The following PCDH15 variants were observed in gnomAD, a reference collection of about 807,000 sequenced individuals.
PCDH15 encodes the protein protocadherin-15.
PCDH15 carries 129 observed loss-of-function variants against 178.5 expected under a neutral mutation model. The ratio of observed to expected loss-of-function variants is 0.72; its 90% CI spans 0.63 to 0.84. The LOEUF (loss-of-function observed/expected upper bound fraction) is 0.84. PCDH15 is among the 40% of genes least tolerant of loss of function. The pLI is 0.00. For missense variants in PCDH15, 2,230 were observed against 2,099.9 expected (o/e 1.06, Z -1.21); for synonymous variants, 800 against 732.0 (o/e 1.09, Z -1.50).
chr10:54,450,032 C>G (rs544067456), intron 3 of PCDH15, among the ~76,000 whole-genome samples: 1 of 151,068 alleles, frequency 6.6e-6, no homozygotes, highest in African/African-American at 2.4e-5. Flanking sequence ...TTGCAAATAG[C>G]GAGATGTGGT....
intron 1 of PCDH15, among the ~76,000 whole-genome samples, chr10:54,798,918 C>A (rs975917677): frequency 1.3e-5 from 2 of 152,034 alleles, no homozygotes; most frequent in Admixed American, 1.3e-4. Flanking sequence ...ATTGTATCTG[C>A]ACATTTACAG....
At chr10:55,343,616 C>T (rs954991166) in intron 2 of PCDH15, among the ~76,000 whole-genome samples, 1 of 139,738 alleles carries the variant, frequency 7.2e-6, no homozygotes, top group African/African-American at 2.5e-5. Flanking sequence ...ATTGATTCAG[C>T]CCATCTTGAA....
intron 1 of PCDH15, among the ~76,000 whole-genome samples, chr10:55,176,273 T>C (rs1215666900): frequency 6.6e-6 from 1 of 152,102 alleles, no homozygotes; most frequent in Non-Finnish European, 1.5e-5. Flanking sequence ...AAACCTCTTG[T>C]TTACTCCTGC....
intron 2 of PCDH15, among the ~76,000 whole-genome samples, chr10:55,081,505 G>GTGTATACTT (rs1842041856): frequency 6.6e-6 from 1 of 152,156 alleles, no homozygotes; most frequent in African/African-American, 2.4e-5. Context: ...TACTCCCAAA[G>GTGTATACTT]TGTATACATT....
intron 20 of PCDH15, among the ~76,000 whole-genome samples, chr10:54,003,846 A>C (rs898580846): frequency 3.3e-5 from 5 of 151,956 alleles, no homozygotes; most frequent in African/African-American, 1.2e-4. Flanking sequence ...CCAAAAAAGA[A>C]ACTATAGGCA....
chr10:54,134,030 G>T (rs2042675156), intron 14 of PCDH15, among the ~76,000 whole-genome samples: 1 of 134,430 alleles, frequency 7.4e-6, no homozygotes, highest in African/African-American at 2.6e-5. Flanking sequence ...TTGGGGATGA[G>T]AATCTTTATT....
chr10:54,520,844 G>C (rs907260201), intron 3 of PCDH15, among the ~76,000 whole-genome samples: 26 of 151,258 alleles, frequency 1.7e-4, no homozygotes, highest in Admixed American at 1.4e-3. Context: ...ACTGGATTAA[G>C]AAAATGTGGC....
intron 10 of PCDH15, among the ~76,000 whole-genome samples, chr10:54,212,649 T>A (rs1177156297): frequency 6.6e-6 from 1 of 152,172 alleles, no homozygotes; most frequent in Non-Finnish European, 1.5e-5. Flanking sequence ...TAGCATTTGA[T>A]GCATTTTATC....
chr10:54,430,262 G>A (rs1304924971), intron 3 of PCDH15, among the ~76,000 whole-genome samples: 1 of 149,798 alleles, frequency 6.7e-6, no homozygotes, highest in Non-Finnish European at 1.5e-5. Flanking sequence ...CACCATGTTG[G>A]TCAGGTGGTC....
chr10:54,176,579 A>G, intron 13 of PCDH15, among the ~76,000 whole-genome samples: 1 of 152,222 alleles, frequency 6.6e-6, no homozygotes, highest in East Asian at 1.9e-4. Context: ...GTAGCAGGAG[A>G]TGAAACAAAT....
chr10:54,105,339 TACAC>T (rs59388031), intron 15 of PCDH15, among the ~76,000 whole-genome samples: 5 of 134,994 alleles, frequency 3.7e-5, no homozygotes, highest in Admixed American at 7.6e-5. Context: ...TACATATATA[TACAC>T]ACACACACAC....
chr10:54,245,440 TGATA>T (rs1479892373), intron 8 of PCDH15, among the ~76,000 whole-genome samples: 3 of 152,230 alleles, frequency 2.0e-5, no homozygotes, highest in East Asian at 3.9e-4. Flanking sequence ...AAAAAAATTA[TGATA>T]GATATTGACT....
At chr10:53,809,343 CTCTTCACCCTCAAGGT>C in intron 37 of PCDH15, 1 of 1,613,212 alleles carries the variant, frequency 6.2e-7, no homozygotes, top group Non-Finnish European at 8.5e-7. Flanking sequence ...GTCTCTGCCA[CTCTTCACCCTCAAGGT>C]CAACGATTCC....
At chr10:55,280,313 T>C (rs1192172008) in intron 1 of PCDH15, among the ~76,000 whole-genome samples, 1 of 144,362 alleles carries the variant, frequency 6.9e-6, no homozygotes, top group Admixed American at 7.0e-5. Flanking sequence ...TGTTTTGCTC[T>C]GTGACCCAGG....
chr10:54,551,708 A>G (rs1446145008), intron 2 of PCDH15, among the ~76,000 whole-genome samples: 1 of 152,012 alleles, frequency 6.6e-6, no homozygotes, highest in Non-Finnish European at 1.5e-5. Context: ...TTTTGTTTCA[A>G]TCAGATTTTT....
intron 2 of PCDH15, among the ~76,000 whole-genome samples, chr10:54,983,616 A>G (rs1251755527): frequency 6.6e-6 from 1 of 152,128 alleles, no homozygotes; most frequent in Non-Finnish European, 1.5e-5. Flanking sequence ...TAAGAGTCTG[A>G]ACCTATTGTT....
intron 3 of PCDH15, among the ~76,000 whole-genome samples, chr10:54,853,565 A>C (rs1953682951): frequency 6.6e-6 from 1 of 150,574 alleles, no homozygotes; most frequent in African/African-American, 2.4e-5. Flanking sequence ...AGCCCACTTC[A>C]TGTGTGTATT....
At chr10:55,152,259 G>A (rs1564841929) in intron 2 of PCDH15, among the ~76,000 whole-genome samples, 1 of 152,024 alleles carries the variant, frequency 6.6e-6, no homozygotes, top group African/African-American at 2.4e-5. Flanking sequence ...TTTCTACAGT[G>A]AAACATGAAT....
Position 54,605,418 on chromosome 10 carries a change from G to A in PCDH15, c.91+58754C>T, listed in dbSNP as rs192392530. On this transcript the variant is annotated intron_variant, in intron 2 of 37. Transcript: ENST00000644397. ...TCTGGGTATACTGTTTTGATTGGCA[G>A]TTGTGTATTTGTTTGTTTGTTTCCG... Among the ~76,000 whole-genome samples, 23 of 152,008 alleles carry A rather than the reference G, an allele frequency of 1.5e-4. No homozygotes were observed. In the East Asian group the frequency reaches 3.7e-3, roughly 24 times the overall value.
Sources: gnomAD v4.1 joint callset for allele counts (sites outside exome capture counted in the v4.1 genomes callset) on GRCh38, gnomAD v4.1.1 for gene constraint, MANE v1.5 for transcripts, NCBI Gene and HGNC (gene_info 2026-07-23, HGNC 2026-07-21) for gene names.